SOX5: variants seen among roughly 807,000 people sequenced by gnomAD.
SOX5 encodes the protein SRY-box transcription factor 5.
In SOX5, 9 loss-of-function variants were observed where a neutral mutation model predicts 92.0. The observed-to-expected ratio is 0.10, with a 90% CI of 0.06 to 0.17. The LOEUF (loss-of-function observed/expected upper bound fraction) is 0.17, where lower values mean the gene tolerates loss of function less well. Among genes scored for constraint, SOX5 ranks in the 10% least tolerant of loss-of-function variants. SOX5 has a pLI of 1.00. For synonymous variants in SOX5, 344 were observed against 336.3 expected, an observed-to-expected ratio of 1.02 and a Z score of -0.25; for missense variants, 642 against 944.5, an observed-to-expected ratio of 0.68 and a Z score of 4.20.
At chr12:24,104,280 T>C (rs1314040229) in intron 4 of SOX5, among the ~76,000 whole-genome samples, 2 of 152,304 alleles carry the variant, frequency 1.3e-5, no homozygotes, top group African/African-American at 2.4e-5. Flanking sequence ...AAATGACTAA[T>C]ATTAGGTTCA....
chr12:24,173,948 A>C (rs1954494867), intron 4 of SOX5, among the ~76,000 whole-genome samples: 1 of 152,128 alleles, frequency 6.6e-6, no homozygotes, highest in Non-Finnish European at 1.5e-5. Flanking sequence ...CTACTGAATC[A>C]GAATCTTGGG....
intron 6 of SOX5, among the ~76,000 whole-genome samples, chr12:23,708,521 A>G (rs1453682648): frequency 6.6e-6 from 1 of 152,206 alleles, no homozygotes; most frequent in Admixed American, 6.5e-5. Context: ...TAGCTGTCAA[A>G]GATTTTTGAG....
intron 4 of SOX5, among the ~76,000 whole-genome samples, chr12:24,101,542 C>T (rs1452045191): frequency 1.3e-5 from 2 of 152,120 alleles, no homozygotes; most frequent in Admixed American, 1.3e-4. Context: ...TGTGTTTTCC[C>T]TGTTTGCAGT....
chr12:24,366,723 C>T (rs1245471611), intron 2 of SOX5, among the ~76,000 whole-genome samples: 1 of 151,908 alleles, frequency 6.6e-6, no homozygotes, highest in Non-Finnish European at 1.5e-5. Context: ...GTGTAAATTC[C>T]CCCCTGTACT....
intron 4 of SOX5, among the ~76,000 whole-genome samples, chr12:24,123,737 T>C (rs1353153432): frequency 2.0e-5 from 3 of 152,218 alleles, no homozygotes; most frequent in African/African-American, 7.2e-5. Context: ...TTGGCATAAA[T>C]ACCATCAGGC....
At chr12:24,132,580 C>T (rs969336811) in intron 4 of SOX5, among the ~76,000 whole-genome samples, 4 of 151,990 alleles carry the variant, frequency 2.6e-5, no homozygotes, top group Non-Finnish European at 5.9e-5. Context: ...ATACAGTATC[C>T]GTATACTTGG....
intron 6 of SOX5, among the ~76,000 whole-genome samples, chr12:23,722,360 G>A (rs2092866434): frequency 6.6e-6 from 1 of 152,084 alleles, no homozygotes; most frequent in African/African-American, 2.4e-5. Flanking sequence ...AAGGGAAGAG[G>A]GGGAGGTGAA....
chr12:23,610,542 TA>T (rs2075825292), intron 8 of SOX5, among the ~76,000 whole-genome samples: 1 of 152,164 alleles, frequency 6.6e-6, no homozygotes, highest in Non-Finnish European at 1.5e-5. Context: ...AATGACTATG[TA>T]AAATATTATT....
chr12:23,857,656 T>C (rs1393901367), intron 2 of SOX5, among the ~76,000 whole-genome samples: 2 of 152,170 alleles, frequency 1.3e-5, no homozygotes, highest in African/African-American at 4.8e-5. Flanking sequence ...AAAAGGCTAA[T>C]AGCCACTTTT....
chr12:23,919,838 A>G (rs2097463210), intron 1 of SOX5, among the ~76,000 whole-genome samples: 1 of 152,254 alleles, frequency 6.6e-6, no homozygotes, highest in Non-Finnish European at 1.5e-5. Flanking sequence ...TTTTACAAAA[A>G]TAACCCTAAA....
intron 1 of SOX5, among the ~76,000 whole-genome samples, chr12:24,405,923 C>G (rs10842340): frequency 0.64 from 97,513 of 151,310 alleles, 32,034 homozygotes; most frequent in Non-Finnish European, 0.71. Flanking sequence ...TTCCCTGAGA[C>G]AGAGACAGAA....
chr12:23,740,853 T>G lies in SOX5; in HGVS notation c.741+14A>C. The stretch of plus-strand genomic sequence containing the variant: ...TGTCTGAGGAATATGACTGCATCGC[T>G]AGTTCTTACTCACTTGTTCTTGTTG... On this transcript the variant is annotated intron_variant, in intron 5 of 14. Transcript: ENST00000451604. The G allele has an allele frequency of 6.2e-7, 1 of 1,602,472 alleles. No individual in the cohort carries two copies. The highest frequency in any genetic ancestry group is 8.5e-7 in the Non-Finnish European group (1 of 1,171,866).
intron 1 of SOX5, among the ~76,000 whole-genome samples, chr12:24,501,053 C>A (rs534171603): frequency 1.3e-5 from 2 of 152,276 alleles, no homozygotes; most frequent in South Asian, 2.1e-4. Flanking sequence ...GGACCCACTG[C>A]ATGATCTGAT....
At chr12:23,865,013 A>G (rs919278261) in intron 2 of SOX5, among the ~76,000 whole-genome samples, 1 of 152,200 alleles carries the variant, frequency 6.6e-6, no homozygotes, top group Non-Finnish European at 1.5e-5. Flanking sequence ...GGGTCAGTAC[A>G]TCTTAAAGTT....
At chr12:24,543,559 G>C (rs570289427) in intron 1 of SOX5, among the ~76,000 whole-genome samples, 1 of 152,100 alleles carries the variant, frequency 6.6e-6, no homozygotes, top group African/African-American at 2.4e-5. Context: ...ATGGTGGTAC[G>C]CGTGTGTGGT....
intron 8 of SOX5, among the ~76,000 whole-genome samples, chr12:23,621,429 G>T (rs541570922): frequency 6.6e-6 from 1 of 152,126 alleles, no homozygotes; most frequent in African/African-American, 2.4e-5. Flanking sequence ...ACACTTAAAC[G>T]TGGTTAAAAT....
chr12:23,590,064 T>A (rs1381147124), intron 9 of SOX5, among the ~76,000 whole-genome samples: 1 of 151,826 alleles, frequency 6.6e-6, no homozygotes, highest in African/African-American at 2.4e-5. Flanking sequence ...GAAATGACGG[T>A]TTAGATGGAT....
At chr12:23,726,224 C>T (rs1428203472) in intron 6 of SOX5, among the ~76,000 whole-genome samples, 1 of 148,030 alleles carries the variant, frequency 6.8e-6, no homozygotes. Context: ...CTAGCAAAAG[C>T]TCAAAAGAGT....
intron 4 of SOX5, chr12:24,212,271 T>G: frequency 2.2e-6 from 1 of 461,470 alleles, no homozygotes; most frequent in East Asian, 5.8e-5. Context: ...ATGTTCATGC[T>G]AAAACATAAC....
Sources: allele counts gnomAD v4.1 joint callset (sites outside exome capture counted in the v4.1 genomes callset), GRCh38; gene constraint gnomAD v4.1.1; transcripts MANE v1.5; gene names NCBI Gene and HGNC (gene_info 2026-07-23, HGNC 2026-07-21).